MYH3: variants seen among roughly 807,000 people sequenced by gnomAD.
MYH3 encodes the protein myosin heavy chain 3, also known as myosin-3.
A neutral mutation model predicts 238.0 loss-of-function variants in MYH3; 130 were observed. The observed-to-expected ratio is 0.55, with a 90% CI of 0.47 to 0.63. The LOEUF (loss-of-function observed/expected upper bound fraction) is 0.63, where lower values mean the gene tolerates loss of function less well. MYH3 is among the 30% of genes least tolerant of loss of function. The probability of loss-of-function intolerance (pLI) is 0.00; values close to 1 mark genes in which losing one functional copy is unlikely to be tolerated. For missense variants in MYH3, 1,853 were observed against 2,374.9 expected (o/e 0.78, Z 4.57); for synonymous variants, 880 against 924.1 (o/e 0.95, Z 0.86).
the MYH3 span, chr17:10,673,693 TTGAG>T: frequency 2.0e-5 from 3 of 152,214 alleles, no homozygotes; most frequent in African/African-American, 7.2e-5. Flanking sequence ...CAGGTTTCAA[TTGAG>T]TATTTGAGAA....
intron 19 of MYH3, 37 bp downstream of exon 19, chr17:10,641,048 C>A (rs2074266046): frequency 6.9e-7 from 1 of 1,458,666 alleles, no homozygotes; most frequent in African/African-American, 1.4e-5. Flanking sequence ...GTTCGTACAT[C>A]TCATCCCCAA....
rs1597481580 is a variant in MYH3, at chr17:10,632,080, C to T, written c.4957-64G>A. 8 of 1,552,444 alleles carry T rather than the reference C, an allele frequency of 5.2e-6. No individual in the cohort carries two copies. The East Asian group carries it at 1.8e-4, about 35-fold the overall frequency. ...GCGTTAGGACCACGAGCCTCATCTGCATCTCTGAGTTTTGTTTGTTTGTTT... is the reference window on the plus strand; with the variant it reads ...GCGTTAGGACCACGAGCCTCATCTGTATCTCTGAGTTTTGTTTGTTTGTTT... On this transcript the variant is annotated intron_variant, in intron 34 of 40. Transcript: ENST00000583535.
intron 3 of MYH3, among the ~76,000 whole-genome samples, chr17:10,652,771 G>A (rs982192466): frequency 4.0e-5 from 6 of 151,848 alleles, no homozygotes; most frequent in South Asian, 2.1e-4. Context: ...ACAGGCGCCC[G>A]CCACCACACC....
intron 17 of MYH3, 116 bp from the exon 18 acceptor site, chr17:10,641,488 GT>G: frequency 1.5e-6 from 1 of 682,616 alleles, no homozygotes; most frequent in Non-Finnish European, 2.4e-6. Flanking sequence ...CTAAAGTATA[GT>G]GAAATGATTT....
the MYH3 span, among the ~76,000 whole-genome samples, chr17:10,668,470 C>A: frequency 6.6e-6 from 1 of 151,838 alleles, no homozygotes; most frequent in Non-Finnish European, 1.5e-5. Context: ...AGAGATAGAA[C>A]AAAATGCAAT....
chr17:10,630,327 C>T lies in MYH3; in HGVS notation c.5418G>A (p.Leu1806=). The part of the protein sequence containing the change: ...HRLDEAEQLA[L]KGGKKQIQKL... ...TCTGGATCTGCTTCTTCCCGCCCTT[C>T]AGCGCCAGCTGCTCGGCCTCATCTA... Residue 1806 remains leucine, a synonymous_variant, in exon 37 of 41, where the codon CTG becomes CTA. Transcript: ENST00000583535. The T allele has an allele frequency of 1.9e-6, 3 of 1,614,226 alleles. No homozygotes were observed. Among genetic ancestry groups the T allele is most frequent in the Non-Finnish European group, 2.5e-6 (3 of 1,180,048 alleles).
intron 28 of MYH3, among the ~76,000 whole-genome samples, chr17:10,636,933 C>A (rs2074221527): frequency 6.6e-6 from 1 of 151,740 alleles, no homozygotes; most frequent in African/African-American, 2.4e-5. Flanking sequence ...AAAAATGTGG[C>A]TACCAAACTT....
At chr17:10,658,996 C>A (rs962577942), upstream of MYH3, 1 of 151,888 alleles carries the variant, frequency 6.6e-6, no homozygotes, top group African/African-American at 2.4e-5. Context: ...GGGGACAGGG[C>A]AAGCTGTCCT....
At chr17:10,655,754 C>A (rs149174469) in intron 2 of MYH3, among the ~76,000 whole-genome samples, 4 of 152,226 alleles carry the variant, frequency 2.6e-5, no homozygotes, top group East Asian at 1.9e-4. Context: ...CAGGTTCAAG[C>A]GATACTCCTG....
At chr17:10,630,843 C>T (rs1205238225) in intron 36 of MYH3, among the ~76,000 whole-genome samples, 1 of 151,872 alleles carries the variant, frequency 6.6e-6, no homozygotes, top group African/African-American at 2.4e-5. Flanking sequence ...AAGAGTGAAA[C>T]TCCATCTCGG....
intron 40 of MYH3, among the ~76,000 whole-genome samples, chr17:10,628,909 G>A (rs551148161): frequency 6.6e-6 from 1 of 152,182 alleles, no homozygotes; most frequent in East Asian, 1.9e-4. Context: ...ACCTACTGTC[G>A]GATGCTGTGT....
rs370119974 is a variant in MYH3, at chr17:10,642,425, G to A, written c.1880C>T (p.Thr627Met). ...CAAAGCACTCCTCTTACCATCCGCC[G>A]TGGCAAACGTGGCATAGAGGTGTGC... ...LLAHLYATFA[T>M]ADADSGKKKV... Residue 627 changes from threonine to methionine, a missense_variant, in exon 16 of 41, where the codon ACG becomes ATG. This residue lies in a region of MYH3 where 678 missense variants were observed against 1,058.9 expected (regional missense o/e 0.64). Coordinates refer to ENST00000583535, the MANE Select transcript of MYH3 (RefSeq NM_002470.4). This position sits in a 1 kb window ranked among gnomAD's most constrained non-coding sequence, Gnocchi z 5.4. 59 of 1,614,172 alleles carry A rather than the reference G, an allele frequency of 3.7e-5. No homozygotes were observed. Among genetic ancestry groups the A allele is most frequent in the East Asian group, 2.2e-4 (10 of 44,884 alleles).
chr17:10,648,138 C>A (rs955075350), intron 8 of MYH3, among the ~76,000 whole-genome samples: 1 of 152,182 alleles, frequency 6.6e-6, no homozygotes, highest in East Asian at 1.9e-4. Context: ...TCCACCTCAT[C>A]TCATGGAACT....
chr17:10,630,153 T>G lies in MYH3; in HGVS notation c.5501A>C (p.Asn1834Thr). 1 of 1,614,194 alleles carries G rather than the reference T, an allele frequency of 6.2e-7. No individual in the cohort carries two copies. Residue 1834 changes from asparagine to threonine, a missense_variant, in exon 38 of 41, where the codon AAC becomes ACC. Asn to Thr is a moderately conservative substitution (Grantham distance 65). Around this residue, in one of 3 missense-constraint regions of MYH3, gnomAD observed 1,044 missense variants for 1,192.6 expected, o/e 0.88. Transcript: ENST00000583535. ...EFELEGEQKKNTESVKGLRKY... is the reference protein window; with the variant it reads ...EFELEGEQKKTTESVKGLRKY... ...CCTCAGGCCCTTAACAGACTCTGTG[T>G]TCTTCTTCTGCTCTCCCTCAAGTTC...
Position 10,640,194 on chromosome 17 carries a change from C to T in MYH3, c.2484G>A (p.Trp828Ter), listed in dbSNP as rs1303327896. 6.2e-7 allele frequency: 1 copy of T among 1,614,200 alleles called. No homozygotes were observed. Among genetic ancestry groups the T allele is most frequent in the South Asian group, 1.1e-5 (1 of 91,086 alleles). Reference protein sequence around the residue: ...NIRSFMNVKHWPWMKLFFKIK... With the variant: ...NIRSFMNVKH ...TCTTGAAGAAGAGTTTCATCCAGGG[C>T]CAGTGCTTGACGTTCATGAATGAGC... Residue 828 changes from tryptophan to a stop codon, truncating the protein, a stop_gained, in exon 22 of 41, where the codon TGG becomes TGA. Transcript: ENST00000583535. LOFTEE classifies it high-confidence loss of function.
At chr17:10,637,674 T>A (rs1277479433) in intron 28 of MYH3, 135 bp downstream of exon 28, 2 of 1,239,536 alleles carry the variant, frequency 1.6e-6, no homozygotes, top group East Asian at 5.0e-5. Flanking sequence ...TATGAGTTAT[T>A]TCAATTTCTT....
At chr17:10,671,855 A>C in the MYH3 span, among the ~76,000 whole-genome samples, 3 of 152,174 alleles carry the variant, frequency 2.0e-5, no homozygotes, top group African/African-American at 7.2e-5. Flanking sequence ...CTGGGATTAC[A>C]GGCGTGAGCA....
At position 10,642,267 on chromosome 17, in the gene MYH3, G is replaced by A. The variant is rs115612890; in HGVS notation, c.1932C>T (p.Ser644=). ...KKKVAKKKGS[S]FQTVSALFRE... Reference sequence around the variant, plus strand: ...TGAAAAGGGCAGAGACAGTTTGGAAGGAAGAACCCTTCTTCTTGGCAACTT... The same window carrying A: ...TGAAAAGGGCAGAGACAGTTTGGAAAGAAGAACCCTTCTTCTTGGCAACTT... Residue 644 remains serine (S), a synonymous_variant, in exon 17 of 41, where the codon TCC becomes TCT. Transcript: ENST00000583535. This position sits in a 1 kb window ranked among gnomAD's most constrained non-coding sequence, Gnocchi z 5.4. 3.4e-4 allele frequency: 553 copies of A among 1,614,032 alleles called. 3 individuals are homozygous for A. The African/African-American group carries it at 6.1e-3, about 18-fold the overall frequency.
At chr17:10,661,535 C>G (rs1209841600), upstream of MYH3, among the ~76,000 whole-genome samples, 4 of 152,118 alleles carry the variant, frequency 2.6e-5, no homozygotes, top group African/African-American at 9.7e-5. Context: ...CAGGGCAGAG[C>G]TGCATTTATC....
Sources: gnomAD v4.1 joint callset for allele counts (sites outside exome capture counted in the v4.1 genomes callset) on GRCh38, gnomAD v4.1.1 for gene constraint, gnomAD v4.1.1 regional missense constraint, Gnocchi (gnomAD v3.1) non-coding constraint, MANE v1.5 for transcripts, NCBI Gene and HGNC (gene_info 2026-07-23, HGNC 2026-07-21) for gene names.